The following TBC1D9 variants were observed in gnomAD, a reference collection of about 807,000 sequenced individuals.
The protein encoded by TBC1D9 is TBC1 domain family member 9.
Under a neutral mutation model 132.0 loss-of-function variants are expected in TBC1D9, and 63 were observed. The observed-to-expected ratio is 0.48, with a 90% CI of 0.39 to 0.59. The LOEUF (loss-of-function observed/expected upper bound fraction) is 0.59, where lower values mean the gene tolerates loss of function less well. TBC1D9 is among the 20% of genes least tolerant of loss of function. TBC1D9 has a pLI of 0.00. For synonymous variants in TBC1D9, 610 were observed against 609.9 expected (o/e 1.00, Z 0.00); for missense variants, 1,261 against 1,592.7 (o/e 0.79, Z 3.54).
At chr4:140,733,513 T>A (rs1738629803) in intron 1 of TBC1D9, among the ~76,000 whole-genome samples, 1 of 152,190 alleles carries the variant, frequency 6.6e-6, no homozygotes, top group Non-Finnish European at 1.5e-5. Context: ...CAAACACCGC[T>A]ACAACTTTAA....
rs111390031 is a variant in TBC1D9, at chr4:140,748,653, A to G, written c.130+7263T>C. ...AGAGTGACAGTTTACCTCAGAAGAAACGATGTCTCAACCATGCTTAAAACA... is the reference window on the plus strand; with the variant it reads ...AGAGTGACAGTTTACCTCAGAAGAAGCGATGTCTCAACCATGCTTAAAACA... On this transcript the variant is annotated intron_variant, in intron 1 of 20. Coordinates refer to ENST00000442267, the MANE Select transcript of TBC1D9 (RefSeq NM_015130.3). Among the ~76,000 whole-genome samples the G allele has an allele frequency of 2.5e-3, 379 of 152,350 alleles. 4 individuals are homozygous for G. Among genetic ancestry groups the G allele is most frequent in the African/African-American group, 8.0e-3 (331 of 41,590 alleles).
intron 2 of TBC1D9, among the ~76,000 whole-genome samples, chr4:140,687,352 A>G (rs1429852386): frequency 0.16 from 6,937 of 42,888 alleles, 1,033 homozygotes; most frequent in African/African-American, 0.47. Flanking sequence ...TCATATATAT[A>G]TATATATATA....
chr4:140,668,134 G>A (rs534630939), intron 9 of TBC1D9, among the ~76,000 whole-genome samples: 1 of 152,290 alleles, frequency 6.6e-6, no homozygotes, highest in African/African-American at 2.4e-5. Context: ...GTGCTCTGAT[G>A]TCTGAGATAT....
intron 1 of TBC1D9, among the ~76,000 whole-genome samples, chr4:140,705,645 A>G (rs1215621791): frequency 6.6e-6 from 1 of 152,068 alleles, no homozygotes; most frequent in Non-Finnish European, 1.5e-5. Flanking sequence ...TTTGTCCTCT[A>G]TTGATGTAGA....
At chr4:140,687,343 C>CTTATATATAT (rs1491570009) in intron 2 of TBC1D9, among the ~76,000 whole-genome samples, 1 of 37,874 alleles carries the variant, frequency 2.6e-5, no homozygotes, top group African/African-American at 6.5e-5. Context: ...GTGTGTGTGT[C>CTTATATATAT]ATATATATAT....
At chr4:140,683,543 T>G (rs899128931) in intron 3 of TBC1D9, among the ~76,000 whole-genome samples, 1 of 152,214 alleles carries the variant, frequency 6.6e-6, no homozygotes, top group African/African-American at 2.4e-5. Context: ...TCTCATGACT[T>G]TGGAAAATCC....
intron 1 of TBC1D9, among the ~76,000 whole-genome samples, chr4:140,752,749 A>G (rs1738945178): frequency 6.6e-6 from 1 of 152,134 alleles, no homozygotes. Flanking sequence ...GGAATCAGGA[A>G]CCTAGAATAT....
At position 140,701,424 on chromosome 4, in the gene TBC1D9, C is replaced by T. The variant is rs1053919250; in HGVS notation, c.241+80G>A. 1.9e-5 allele frequency: 20 copies of T among 1,041,572 alleles called. No individual in the cohort carries two copies. In the East Asian group the frequency reaches 2.3e-4, roughly 12 times the overall value. 64.5% of individuals were successfully genotyped at this position (1,041,572 alleles called of 1,614,324 possible). ...CCAGTGATTGCATTCAGCAAGTACA[C>T]GTTCCTTTCCTTCTGATAAAAAGTT... On this transcript the variant is annotated intron_variant, in intron 2 of 20. Coordinates refer to ENST00000442267, the MANE Select transcript of TBC1D9 (RefSeq NM_015130.3).
chr4:140,755,942 T>G lies in TBC1D9; in HGVS notation c.104A>C (p.Asp35Ala). The change falls in exon 1 of 21, where the codon GAT becomes GCT. Residue 35 changes from aspartate (D) to alanine (A), a missense_variant. Physicochemically the swap from Asp to Ala is moderately radical, Grantham distance 126. Coordinates refer to ENST00000442267, the MANE Select transcript of TBC1D9 (RefSeq NM_015130.3). ...ILQRRKGHAG[D>A]GGGGGGLAGL... ...CGCCAGTCCGCCGCCGCCGCCTCCA[T>G]CGCCGGCGTGGCCCTTCCTCCGCTG... 1.9e-6 allele frequency: 3 copies of G among 1,587,130 alleles called. No homozygotes were observed. The highest frequency in any genetic ancestry group is 2.6e-6 in the Non-Finnish European group (3 of 1,168,844).
chr4:140,641,895 T>C (rs1019123400), intron 13 of TBC1D9: 2 of 385,944 alleles, frequency 5.2e-6, no homozygotes, highest in Non-Finnish European at 9.6e-6. Flanking sequence ...TCCTTCTCGC[T>C]CACTCGCAGG....
chr4:140,723,944 T>C (rs1202969501), intron 1 of TBC1D9, among the ~76,000 whole-genome samples: 3 of 152,052 alleles, frequency 2.0e-5, no homozygotes, highest in South Asian at 2.1e-4. Context: ...AGTCTGACTA[T>C]TTTGCCTAGG....
chr4:140,727,182 C>T (rs987788877), intron 1 of TBC1D9, among the ~76,000 whole-genome samples: 1 of 152,216 alleles, frequency 6.6e-6, no homozygotes, highest in African/African-American at 2.4e-5. Context: ...GTGCAAAACA[C>T]AGCCATAATG....
At chr4:140,753,489 C>T (rs1376220217) in intron 1 of TBC1D9, among the ~76,000 whole-genome samples, 1 of 152,174 alleles carries the variant, frequency 6.6e-6, no homozygotes, top group East Asian at 1.9e-4. Context: ...ACTCCCCACT[C>T]CCTTTCTGCT....
intron 2 of TBC1D9, among the ~76,000 whole-genome samples, chr4:140,690,275 G>A (rs1737857540): frequency 1.3e-5 from 2 of 151,974 alleles, no homozygotes; most frequent in South Asian, 4.1e-4. Context: ...TACTATCATT[G>A]TTTCCCCACC....
chr4:140,718,868 CAA>C (rs1738379263), intron 1 of TBC1D9, among the ~76,000 whole-genome samples: 1 of 152,022 alleles, frequency 6.6e-6, no homozygotes, highest in African/African-American at 2.4e-5. Flanking sequence ...CACTTAAGGT[CAA>C]GAGTTCAAGA....
At chr4:140,645,899 T>C (rs1737096621) in intron 13 of TBC1D9, among the ~76,000 whole-genome samples, 2 of 152,262 alleles carry the variant, frequency 1.3e-5, no homozygotes, top group Admixed American at 1.3e-4. Flanking sequence ...GTGTCTCTGC[T>C]AATTGTCATC....
chr4:140,747,242 C>T (rs1169688250), intron 1 of TBC1D9, among the ~76,000 whole-genome samples: 1 of 151,810 alleles, frequency 6.6e-6, no homozygotes, highest in Admixed American at 6.6e-5. Flanking sequence ...GTCCTAGCTA[C>T]TTGGGAGGCT....
At chr4:140,720,880 G>A (rs1339088709) in intron 1 of TBC1D9, among the ~76,000 whole-genome samples, 1 of 152,198 alleles carries the variant, frequency 6.6e-6, no homozygotes, top group Non-Finnish European at 1.5e-5. Context: ...ACCCTTGTAG[G>A]TGAGACCACA....
At chr4:140,689,808 C>T (rs1358628130) in intron 2 of TBC1D9, among the ~76,000 whole-genome samples, 3 of 140,072 alleles carry the variant, frequency 2.1e-5, no homozygotes, top group African/African-American at 8.2e-5. Flanking sequence ...AGTACAGTGG[C>T]ATGATCTTGG....
Sources: allele counts gnomAD v4.1 joint callset (sites outside exome capture counted in the v4.1 genomes callset), GRCh38; gene constraint gnomAD v4.1.1; transcripts MANE v1.5; gene names NCBI Gene and HGNC (gene_info 2026-07-23, HGNC 2026-07-21).